CELF2: variants seen among roughly 807,000 people sequenced by gnomAD.
CELF2 encodes the protein CUGBP Elav-like family member 2, also known as CUG triplet repeat RNA-binding protein 2.
In CELF2, 8 loss-of-function variants were observed where a neutral mutation model predicts 62.6. The observed-to-expected ratio is 0.13, with a 90% CI of 0.07 to 0.23. CELF2 has a LOEUF of 0.23. Ranked by LOEUF, CELF2 falls within the 10% of genes least tolerant of loss-of-function variation. CELF2 has a pLI of 1.00. For missense variants in CELF2, 333 were observed against 671.0 expected (o/e 0.50, Z 5.56); for synonymous variants, 258 against 250.0 (o/e 1.03, Z -0.30).
At chr10:10,620,500 T>C in the CELF2 span, among the ~76,000 whole-genome samples, 1 of 141,884 alleles carries the variant, frequency 7.0e-6, no homozygotes, top group African/African-American at 2.6e-5. Flanking sequence ...CCAGAAACCA[T>C]ATGGCCCACG....
the CELF2 span, among the ~76,000 whole-genome samples, chr10:10,647,891 G>T: frequency 6.6e-6 from 1 of 152,204 alleles, no homozygotes; most frequent in Non-Finnish European, 1.5e-5. Flanking sequence ...CCTGGGCACT[G>T]CTCTGTGAAA....
intron 2 of CELF2, chr10:10,923,747 A>C (rs1357174815): frequency 6.6e-6 from 1 of 152,246 alleles, no homozygotes; most frequent in Admixed American, 6.5e-5. Flanking sequence ...GATTAAAACA[A>C]ATATTTAAAC....
At chr10:11,212,091 T>C (rs2061996435) in intron 2 of CELF2, among the ~76,000 whole-genome samples, 1 of 152,162 alleles carries the variant, frequency 6.6e-6, no homozygotes, top group Non-Finnish European at 1.5e-5. Context: ...TAATCATAGC[T>C]CACAATTATA....
Position 11,332,029 on chromosome 10 carries a change from A to AAT in CELF2, c.*2977_*2978dup, listed in dbSNP as rs2096033923. 1 of 152,182 alleles carries AAT rather than the reference A, an allele frequency of 6.6e-6. No homozygotes were observed. The highest frequency in any genetic ancestry group is 1.5e-5 in the Non-Finnish European group (1 of 68,024). 9.4% of individuals were successfully genotyped at this position (152,182 alleles called of 1,614,324 possible). A position where few individuals can be genotyped will look rare whatever the true frequency, so the allele number is the denominator to read the frequency against. The stretch of plus-strand genomic sequence containing the variant: ...AAACAGAAAACAATTCCACGAGGCC[A>AAT]ATCTAAAGGGAAAAAATCCTACACT... On this transcript the variant is annotated 3_prime_UTR_variant, in exon 13 of 13. Coordinates refer to ENST00000633077, the MANE Select transcript of CELF2 (RefSeq NM_001326342.2).
chr10:10,967,895 T>A (rs1314618673), intron 2 of CELF2, among the ~76,000 whole-genome samples: 2 of 151,596 alleles, frequency 1.3e-5, no homozygotes, highest in Non-Finnish European at 2.9e-5. Context: ...ATGGGGATGC[T>A]GTAATATGAG....
At chr10:10,899,690 C>T (rs2062801917) in intron 1 of CELF2, among the ~76,000 whole-genome samples, 3 of 152,186 alleles carry the variant, frequency 2.0e-5, no homozygotes, top group Admixed American at 1.3e-4. Context: ...GTTCTGCAGG[C>T]TGTACAGGAA....
chr10:10,516,949 G>T, the CELF2 span, among the ~76,000 whole-genome samples: 1 of 151,938 alleles, frequency 6.6e-6, no homozygotes. Flanking sequence ...TTCTCCTTCC[G>T]CAGCACAGCA....
the CELF2 span, among the ~76,000 whole-genome samples, chr10:10,678,336 A>G: frequency 1.3e-5 from 2 of 152,258 alleles, no homozygotes; most frequent in African/African-American, 2.4e-5. Context: ...TATTTCAGGC[A>G]GTAATCAGAT....
chr10:11,154,152 C>T (rs544010434), intron 1 of CELF2, among the ~76,000 whole-genome samples: 1 of 152,240 alleles, frequency 6.6e-6, no homozygotes, highest in East Asian at 1.9e-4. Context: ...GTATAACAGC[C>T]ATTATAATTT....
At position 10,936,253 on chromosome 10, in the gene CELF2, T is replaced by C. The variant is rs533024156; in HGVS notation, c.89+16254T>C. On this transcript the variant is annotated intron_variant, in intron 2 of 13. Coordinates refer to the CELF2 transcript ENST00000636488. The surrounding 1 kb of genome is among the most constrained non-coding windows in gnomAD (Gnocchi z 4.0). ...GAAAGAAGGTAAAGAAATGGTTACT[T>C]TGAATGGAGCAATAATCACATTTTA... Among the ~76,000 whole-genome samples the C allele has an allele frequency of 5.9e-5, 9 of 152,316 alleles. 1 individual carries two copies. In the South Asian group the frequency reaches 1.9e-3, roughly 32 times the overall value.
At chr10:10,489,972 C>T in the CELF2 span, among the ~76,000 whole-genome samples, 1 of 152,118 alleles carries the variant, frequency 6.6e-6, no homozygotes, top group Non-Finnish European at 1.5e-5. Context: ...TACAGAGATT[C>T]AGATGTCAGA....
At chr10:11,292,671 G>A (rs1175429836) in intron 9 of CELF2, among the ~76,000 whole-genome samples, 1 of 152,020 alleles carries the variant, frequency 6.6e-6, no homozygotes, top group East Asian at 1.9e-4. Flanking sequence ...ACAGACAGGT[G>A]GACAAAGAGG....
chr10:11,284,976 T>C (rs1380463260), intron 8 of CELF2, among the ~76,000 whole-genome samples: 1 of 32,290 alleles, frequency 3.1e-5, no homozygotes, highest in African/African-American at 1.0e-4. Flanking sequence ...TGGATGAGTG[T>C]GTGGATGAGA....
At chr10:10,651,358 T>A in the CELF2 span, among the ~76,000 whole-genome samples, 1 of 148,592 alleles carries the variant, frequency 6.7e-6, no homozygotes, top group Non-Finnish European at 1.5e-5. Flanking sequence ...TCGAACTGGG[T>A]GGAACCCACC....
chr10:10,715,990 T>C, the CELF2 span, among the ~76,000 whole-genome samples: 1 of 152,220 alleles, frequency 6.6e-6, no homozygotes, highest in Admixed American at 6.5e-5. Context: ...CAGTTCTCTC[T>C]GCATTTTAAA....
intron 1 of CELF2, among the ~76,000 whole-genome samples, chr10:11,096,896 C>A (rs1346555133): frequency 6.6e-6 from 1 of 152,182 alleles, no homozygotes; most frequent in African/African-American, 2.4e-5. Context: ...CTTAATCTGA[C>A]GAGGTCTGAC....
At chr10:10,798,591 G>A (rs895970414), upstream of CELF2, 12 of 395,712 alleles carry the variant, frequency 3.0e-5, no homozygotes, top group African/African-American at 2.3e-4. Flanking sequence ...ACGGAGGAGA[G>A]CGCAGGATTG....
At chr10:10,555,281 CTT>C in the CELF2 span, among the ~76,000 whole-genome samples, 7 of 145,986 alleles carry the variant, frequency 4.8e-5, no homozygotes, top group South Asian at 2.2e-4. Context: ...GCCAGAAAGT[CTT>C]TTTTTTTTTT....
chr10:10,683,872 C>T, the CELF2 span, among the ~76,000 whole-genome samples: 57 of 152,116 alleles, frequency 3.7e-4, no homozygotes, highest in Non-Finnish European at 4.4e-5. Context: ...AACAGGAGGA[C>T]CAAAGGCAAA....
Sources: gnomAD v4.1 joint callset for allele counts (sites outside exome capture counted in the v4.1 genomes callset) on GRCh38, gnomAD v4.1.1 for gene constraint, Gnocchi (gnomAD v3.1) non-coding constraint, MANE v1.5 for transcripts, NCBI Gene and HGNC (gene_info 2026-07-23, HGNC 2026-07-21) for gene names.